Variants in RAB38 observed in about 807,000 individuals in gnomAD.
The protein encoded by RAB38 is ras-related protein Rab-38.
In RAB38, 15 loss-of-function variants were observed where a neutral mutation model predicts 18.4. The ratio of observed to expected loss-of-function variants is 0.82; its 90% CI spans 0.55 to 1.26. The LOEUF is 1.26. Among genes scored for constraint, RAB38 ranks in the 50% most tolerant of loss-of-function variants. The pLI, the probability that RAB38 is intolerant of heterozygous loss-of-function variation, is 0.00. For missense variants in RAB38, 294 were observed against 267.4 expected, an observed-to-expected ratio of 1.10 and a Z score of -0.69; for synonymous variants, 101 against 104.4, an observed-to-expected ratio of 0.97 and a Z score of 0.20.
At chr11:87,849,941 T>G in the RAB38 span, among the ~76,000 whole-genome samples, 4,805 of 152,220 alleles carry the variant, frequency 0.032, 233 homozygotes, top group African/African-American at 0.11. Context: ...CAAGGAGGCT[T>G]GATCATATTT....
the RAB38 span, among the ~76,000 whole-genome samples, chr11:87,949,349 T>G: frequency 6.6e-6 from 1 of 152,224 alleles, no homozygotes; most frequent in African/African-American, 2.4e-5. Context: ...AGATCCTGGA[T>G]TCATTAATTT....
At chr11:88,070,090 G>A in the RAB38 span, among the ~76,000 whole-genome samples, 2 of 152,060 alleles carry the variant, frequency 1.3e-5, no homozygotes, top group African/African-American at 2.4e-5. Flanking sequence ...TTGTTCTTTT[G>A]CTCTTTGCAA....
chr11:88,065,305 A>G, the RAB38 span, among the ~76,000 whole-genome samples: 3 of 152,236 alleles, frequency 2.0e-5, no homozygotes, highest in Non-Finnish European at 4.4e-5. Context: ...AGGAGAAACC[A>G]TACATCCTGG....
chr11:88,090,122 C>G, the RAB38 span, among the ~76,000 whole-genome samples: 2 of 152,048 alleles, frequency 1.3e-5, no homozygotes, highest in South Asian at 2.1e-4. Context: ...AGCCTGAACA[C>G]AAGGGTCCTC....
the RAB38 span, among the ~76,000 whole-genome samples, chr11:87,912,874 T>G: frequency 1.6e-5 from 2 of 127,520 alleles, no homozygotes; most frequent in African/African-American, 9.1e-5. Context: ...CATCTCTTTA[T>G]TTTATTTTAT....
At chr11:88,116,233 T>C (rs535532080) in intron 2 of RAB38, among the ~76,000 whole-genome samples, 1 of 152,300 alleles carries the variant, frequency 6.6e-6, no homozygotes, top group African/African-American at 2.4e-5. Flanking sequence ...AGTGGAAGCC[T>C]GTCCGATGGT....
chr11:87,804,376 G>A, the RAB38 span, among the ~76,000 whole-genome samples: 1 of 152,020 alleles, frequency 6.6e-6, no homozygotes, highest in East Asian at 1.9e-4. Context: ...ACTAGTCTTA[G>A]GGCATTTGCC....
chr11:88,038,457 C>T, the RAB38 span, among the ~76,000 whole-genome samples: 1 of 151,866 alleles, frequency 6.6e-6, no homozygotes. Flanking sequence ...TTTTCTAAGC[C>T]ATTTAACAGT....
At chr11:87,848,967 C>A in the RAB38 span, among the ~76,000 whole-genome samples, 4 of 152,148 alleles carry the variant, frequency 2.6e-5, no homozygotes, top group African/African-American at 9.6e-5. Context: ...ATAAAAATGG[C>A]CTTTTGTCCA....
the RAB38 span, among the ~76,000 whole-genome samples, chr11:87,938,622 T>TTG: frequency 7.1e-6 from 1 of 141,414 alleles, no homozygotes; most frequent in South Asian, 2.4e-4. Context: ...CTTTTCCGTT[T>TTG]TTTTTTTTTT....
At chr11:87,966,712 T>C in the RAB38 span, among the ~76,000 whole-genome samples, 1 of 152,202 alleles carries the variant, frequency 6.6e-6, no homozygotes, top group Non-Finnish European at 1.5e-5. Context: ...TTTCTCCATT[T>C]TTCCTCCTTT....
At chr11:87,871,757 T>C in the RAB38 span, among the ~76,000 whole-genome samples, 1 of 151,536 alleles carries the variant, frequency 6.6e-6, no homozygotes, top group African/African-American at 2.4e-5. Context: ...TTTTTGAAAT[T>C]TATATAAGTA....
At chr11:87,842,491 C>T in the RAB38 span, among the ~76,000 whole-genome samples, 1 of 152,174 alleles carries the variant, frequency 6.6e-6, no homozygotes, top group South Asian at 2.1e-4. Flanking sequence ...GAGGGGCCTT[C>T]GTTGTACTTG....
chr11:88,109,771 T>C (rs1440547782), downstream of RAB38, among the ~76,000 whole-genome samples: 3 of 152,152 alleles, frequency 2.0e-5, no homozygotes, highest in Non-Finnish European at 4.4e-5. Context: ...GAATAAAAGC[T>C]CATCATCACA....
chr11:88,075,213 T>C, the RAB38 span, among the ~76,000 whole-genome samples: 1 of 152,160 alleles, frequency 6.6e-6, no homozygotes, highest in Non-Finnish European at 1.5e-5. Flanking sequence ...CTGACATTTA[T>C]AGAACATTTC....
At chr11:87,827,293 AT>A in the RAB38 span, among the ~76,000 whole-genome samples, 98 of 150,986 alleles carry the variant, frequency 6.5e-4, no homozygotes, top group East Asian at 1.8e-3. Context: ...TATTTTTATT[AT>A]TTTTTTTTCT....
the RAB38 span, among the ~76,000 whole-genome samples, chr11:87,885,043 A>T: frequency 6.6e-6 from 1 of 151,988 alleles, no homozygotes; most frequent in Non-Finnish European, 1.5e-5. Context: ...CAATCAAATC[A>T]TCTGCAGGCA....
At chr11:87,944,168 A>G in the RAB38 span, among the ~76,000 whole-genome samples, 1 of 152,196 alleles carries the variant, frequency 6.6e-6, no homozygotes, top group South Asian at 2.1e-4. Context: ...ATTAATTAAA[A>G]AGTACTTTAT....
the RAB38 span, among the ~76,000 whole-genome samples, chr11:88,023,277 G>A: frequency 1.3e-5 from 2 of 151,268 alleles, no homozygotes; most frequent in African/African-American, 4.9e-5. Flanking sequence ...AATCTGAAAA[G>A]TAATAAAAAA....
Sources: gnomAD v4.1 joint callset for allele counts (sites outside exome capture counted in the v4.1 genomes callset) on GRCh38, gnomAD v4.1.1 for gene constraint, MANE v1.5 for transcripts, NCBI Gene and HGNC (gene_info 2026-07-23, HGNC 2026-07-21) for gene names.